Variants in DGKH observed in about 807,000 individuals in gnomAD.
DGKH encodes the protein DAG kinase eta.
DGKH carries 90 observed loss-of-function variants against 159.3 expected under a neutral mutation model. That is an observed-to-expected ratio of 0.57 (90% CI 0.48 to 0.67). The LOEUF (loss-of-function observed/expected upper bound fraction) is 0.67, where lower values mean the gene tolerates loss of function less well. Among genes scored for constraint, DGKH ranks in the 30% least tolerant of loss-of-function variants. DGKH has a pLI of 0.00. For synonymous variants in DGKH, 536 were observed against 553.8 expected (o/e 0.97, Z 0.45); for missense variants, 1,181 against 1,506.1 (o/e 0.78, Z 3.57).
At chr13:42,054,595 G>T (rs559763747) in intron 1 of DGKH, among the ~76,000 whole-genome samples, 1 of 152,322 alleles carries the variant, frequency 6.6e-6, no homozygotes, top group Admixed American at 6.5e-5. Flanking sequence ...AGGGGAGGGT[G>T]CTGGGGAGAA....
chr13:42,083,198 T>C (rs1185514490), intron 1 of DGKH, among the ~76,000 whole-genome samples: 2 of 152,136 alleles, frequency 1.3e-5, no homozygotes, highest in Admixed American at 6.6e-5. Context: ...GGTCAGCATT[T>C]TAAAATGTGT....
chr13:42,164,495 G>T (rs926895342), intron 7 of DGKH, among the ~76,000 whole-genome samples: 1 of 152,062 alleles, frequency 6.6e-6, no homozygotes, highest in South Asian at 2.1e-4. Context: ...GATAAATACA[G>T]GTTTAATTAT....
chr13:42,178,445 T>C (rs576888253), intron 13 of DGKH, among the ~76,000 whole-genome samples: 1 of 152,318 alleles, frequency 6.6e-6, no homozygotes, highest in African/African-American at 2.4e-5. Flanking sequence ...ATTTGAAACA[T>C]TTTTATCAAA....
chr13:42,121,674 C>A (rs1030323282), intron 1 of DGKH, among the ~76,000 whole-genome samples: 2 of 152,202 alleles, frequency 1.3e-5, no homozygotes, highest in African/African-American at 4.8e-5. Context: ...TCCTTCTCAC[C>A]ACTACACCCA....
intron 1 of DGKH, among the ~76,000 whole-genome samples, chr13:42,049,984 A>T (rs1881151307): frequency 6.6e-6 from 1 of 152,264 alleles, no homozygotes; most frequent in African/African-American, 2.4e-5. Flanking sequence ...CGTTTTTAAA[A>T]ATAAATTTGC....
intron 29 of DGKH, among the ~76,000 whole-genome samples, chr13:42,226,846 G>T (rs1958145446): frequency 7.2e-6 from 1 of 137,934 alleles, no homozygotes; most frequent in Non-Finnish European, 1.6e-5. Flanking sequence ...GACAGTATGA[G>T]ACTCTGTCTC....
In DGKH at chr13:42,131,549, A is replaced by C. The variant is rs367837516; in HGVS notation, c.384+1917A>C. ...GATAAGGTTATTTGCTGTGAGTGAAAGTTGAGGATGGTTAATAGTGGCTTC... is the reference window on the plus strand; with the variant it reads ...GATAAGGTTATTTGCTGTGAGTGAACGTTGAGGATGGTTAATAGTGGCTTC... On this transcript the variant is annotated intron_variant, in intron 3 of 29. Coordinates refer to ENST00000337343, the MANE Select transcript of DGKH (RefSeq NM_178009.5). Among the ~76,000 whole-genome samples the C allele has an allele frequency of 1.2e-4, 18 of 152,342 alleles. No individual in the cohort carries two copies. In the East Asian group the frequency reaches 1.7e-3, roughly 15 times the overall value.
intron 11 of DGKH, among the ~76,000 whole-genome samples, chr13:42,173,517 G>A (rs1396665664): frequency 2.6e-5 from 4 of 152,080 alleles, no homozygotes; most frequent in African/African-American, 9.7e-5. Flanking sequence ...CTTAATTTAA[G>A]AAGGGGTATT....
At chr13:42,215,158 GTT>G (rs201405435) in intron 25 of DGKH, among the ~76,000 whole-genome samples, 4 of 147,382 alleles carry the variant, frequency 2.7e-5, no homozygotes, top group African/African-American at 1.0e-4. Flanking sequence ...AACTGATAGC[GTT>G]TTTTTTTTTA....
At chr13:42,144,010 T>A (rs924679558) in intron 3 of DGKH, among the ~76,000 whole-genome samples, 4 of 152,138 alleles carry the variant, frequency 2.6e-5, no homozygotes, top group Admixed American at 2.0e-4. Flanking sequence ...CTAAAAAAAA[T>A]TATTTTAATT....
At chr13:42,086,484 A>G (rs1304896934) in intron 1 of DGKH, among the ~76,000 whole-genome samples, 2 of 152,204 alleles carry the variant, frequency 1.3e-5, no homozygotes, top group East Asian at 3.8e-4. Context: ...CTGAGGAAAA[A>G]ATTACTCTAA....
chr13:42,097,394 G>T (rs902236899), intron 1 of DGKH, among the ~76,000 whole-genome samples: 1 of 152,144 alleles, frequency 6.6e-6, no homozygotes, highest in African/African-American at 2.4e-5. Flanking sequence ...TGGAATCTCT[G>T]TGTTGGTTCA....
At chr13:42,193,284 C>G (rs1957127441) in intron 16 of DGKH, among the ~76,000 whole-genome samples, 1 of 152,180 alleles carries the variant, frequency 6.6e-6, no homozygotes, top group African/African-American at 2.4e-5. Flanking sequence ...TTGCCATACT[C>G]TTAAACTTGA....
chr13:42,071,365 A>G (rs1459326618), intron 1 of DGKH, among the ~76,000 whole-genome samples: 9 of 152,252 alleles, frequency 5.9e-5, no homozygotes, highest in African/African-American at 2.2e-4. Context: ...CTCTGCAGAC[A>G]TTTAAAGAAG....
In DGKH at chr13:42,121,066, T is replaced by TACACAC. The variant is rs377628213; in HGVS notation, c.193-6377_193-6372dup. ...TCTATGAAAGTAATAATATATATTA[T>TACACAC]ACACACACACACACACACACACACA... On this transcript the variant is annotated intron_variant, in intron 1 of 29. Coordinates refer to ENST00000337343, the MANE Select transcript of DGKH (RefSeq NM_178009.5). 7.7e-3 allele frequency among the ~76,000 whole-genome samples: 1,109 copies of TACACAC among 144,820 alleles called. 11 individuals carry two copies. The highest frequency in any genetic ancestry group is 0.026 in the African/African-American group (1,030 of 39,854).
At chr13:42,104,586 C>T (rs903545665) in intron 1 of DGKH, among the ~76,000 whole-genome samples, 1 of 152,180 alleles carries the variant, frequency 6.6e-6, no homozygotes, top group Non-Finnish European at 1.5e-5. Flanking sequence ...TTGCATCCCT[C>T]ATTTCCGCTC....
chr13:42,170,547 TACAC>T (rs200895390), intron 11 of DGKH, among the ~76,000 whole-genome samples: 1 of 151,748 alleles, frequency 6.6e-6, no homozygotes, highest in East Asian at 1.9e-4. Flanking sequence ...CAAAAGAAAA[TACAC>T]ACACACAAAA....
intron 14 of DGKH, among the ~76,000 whole-genome samples, chr13:42,188,607 T>C (rs1436012308): frequency 1.3e-5 from 2 of 152,238 alleles, no homozygotes; most frequent in African/African-American, 4.8e-5. Flanking sequence ...GCAAATTTTG[T>C]GTAATTTTTT....
upstream of DGKH, among the ~76,000 whole-genome samples, chr13:42,044,531 C>T (rs149056704): frequency 8.0e-4 from 122 of 152,258 alleles, no homozygotes; most frequent in African/African-American, 2.8e-3. Context: ...CCTCGTGATC[C>T]GTTCGCCTTG....
Sources: allele counts gnomAD v4.1 joint callset (sites outside exome capture counted in the v4.1 genomes callset), GRCh38; gene constraint gnomAD v4.1.1; transcripts MANE v1.5; gene names NCBI Gene and HGNC (gene_info 2026-07-23, HGNC 2026-07-21).